Variants in PARP8 observed in about 807,000 individuals in gnomAD.
The protein encoded by PARP8 is poly(ADP-ribose) polymerase family member 8.
A neutral mutation model predicts 124.1 loss-of-function variants in PARP8; 51 were observed. The observed-to-expected ratio is 0.41, with a 90% CI of 0.33 to 0.52. The LOEUF (loss-of-function observed/expected upper bound fraction) is 0.52, where lower values mean the gene tolerates loss of function less well. Among genes scored for constraint, PARP8 ranks in the 20% least tolerant of loss-of-function variants. The pLI is 0.21. For synonymous variants in PARP8, 391 were observed against 361.5 expected (o/e 1.08, Z -0.93); for missense variants, 860 against 1,018.9 (o/e 0.84, Z 2.12).
At chr5:50,780,951 G>T (rs1422440645) in intron 9 of PARP8, among the ~76,000 whole-genome samples, 1 of 151,916 alleles carries the variant, frequency 6.6e-6, no homozygotes, top group Non-Finnish European at 1.5e-5. Context: ...TCTTCTCCTT[G>T]ATACTATTTT....
intron 14 of PARP8, among the ~76,000 whole-genome samples, chr5:50,805,764 G>T (rs1455039799): frequency 6.6e-6 from 1 of 151,942 alleles, no homozygotes; most frequent in Non-Finnish European, 1.5e-5. Context: ...TATTTTATTT[G>T]CTTAAGGGAA....
chr5:50,734,264 T>C (rs1223589936), intron 2 of PARP8, among the ~76,000 whole-genome samples: 1 of 152,158 alleles, frequency 6.6e-6, no homozygotes, highest in Non-Finnish European at 1.5e-5. Context: ...AGGATGAGCA[T>C]TGGGAAATCT....
intron 11 of PARP8, 94 bp downstream of exon 11, chr5:50,794,426 G>C (rs1742293850): frequency 7.1e-7 from 1 of 1,410,820 alleles, no homozygotes. Context: ...GTTGGCATCT[G>C]TTTATTTTCT....
At chr5:50,816,672 A>G (rs1189847234) in intron 15 of PARP8, among the ~76,000 whole-genome samples, 1 of 152,210 alleles carries the variant, frequency 6.6e-6, no homozygotes, top group African/African-American at 2.4e-5. Flanking sequence ...TGATTCCATG[A>G]TTAAAATAAA....
chr5:50,742,553 A>G (rs181442236), intron 2 of PARP8, among the ~76,000 whole-genome samples: 6 of 152,276 alleles, frequency 3.9e-5, no homozygotes, highest in African/African-American at 1.4e-4. Context: ...AATCTCTCTT[A>G]ATGTGGAAAG....
intron 14 of PARP8, among the ~76,000 whole-genome samples, chr5:50,800,900 G>T (rs1283727961): frequency 1.3e-5 from 2 of 151,514 alleles, no homozygotes; most frequent in Non-Finnish European, 2.9e-5. Context: ...GGGACTACAG[G>T]TACATGCCAC....
At chr5:50,772,265 A>T (rs1461411063) in intron 7 of PARP8, among the ~76,000 whole-genome samples, 1 of 152,174 alleles carries the variant, frequency 6.6e-6, no homozygotes, top group African/African-American at 2.4e-5. Flanking sequence ...ATGGACACTT[A>T]GGTTAATTCT....
In PARP8 at chr5:50,761,594, C is replaced by T. The variant is rs1259039962; in HGVS notation, c.346-227C>T. Among the ~76,000 whole-genome samples, 3 of 152,000 alleles carry T rather than the reference C, an allele frequency of 2.0e-5. No individual in the cohort carries two copies. The East Asian group carries it at 5.8e-4, about 29-fold the overall frequency. On this transcript the variant is annotated intron_variant, in intron 5 of 25. Coordinates refer to ENST00000281631, the MANE Select transcript of PARP8 (RefSeq NM_024615.4). ...ACATCAAATATTGAATTGTGCATTTCCTGTAAAATCAGTGAAAGAGAACTT... is the reference window on the plus strand; with the variant it reads ...ACATCAAATATTGAATTGTGCATTTTCTGTAAAATCAGTGAAAGAGAACTT...
chr5:50,818,416 G>C (rs915848140), intron 15 of PARP8, among the ~76,000 whole-genome samples: 2 of 152,070 alleles, frequency 1.3e-5, no homozygotes, highest in Non-Finnish European at 2.9e-5. Flanking sequence ...TTTTTGTGGA[G>C]ACAGGATTTG....
chr5:50,672,284 A>G (rs867397429), intron 2 of PARP8, among the ~76,000 whole-genome samples: 1 of 152,154 alleles, frequency 6.6e-6, no homozygotes. Context: ...CCTCTTGGAG[A>G]TGGGAATTCT....
At chr5:50,778,302 A>C (rs1190891262) in intron 8 of PARP8, among the ~76,000 whole-genome samples, 173 bp downstream of exon 8, 1 of 152,148 alleles carries the variant, frequency 6.6e-6, no homozygotes, top group East Asian at 1.9e-4. Context: ...GATTTTGTAA[A>C]CATATATTTG....
chr5:50,775,383 C>T lies in PARP8; in HGVS notation c.519-2686C>T, dbSNP rs1001472462. Among the ~76,000 whole-genome samples, 6 of 152,154 alleles carry T rather than the reference C, an allele frequency of 3.9e-5. 1 individual carries two copies. The highest frequency in any genetic ancestry group is 4.1e-4 in the South Asian group (2 of 4,830). The stretch of plus-strand genomic sequence containing the variant: ...CAGCCCGGCCAACACGGTGAAACCC[C>T]GTCTCCACCAAAAATACAAAAACCA... On this transcript the variant is annotated intron_variant, in intron 7 of 25. Transcript: ENST00000281631.
intron 2 of PARP8, among the ~76,000 whole-genome samples, chr5:50,715,198 G>A (rs1419691169): frequency 6.6e-6 from 1 of 151,952 alleles, no homozygotes; most frequent in African/African-American, 2.4e-5. Flanking sequence ...CATGACCGCA[G>A]TGCAAAAGCG....
chr5:50,838,685 C>T lies in PARP8; in HGVS notation c.2463-3281C>T, dbSNP rs1454964636. 2.0e-5 allele frequency among the ~76,000 whole-genome samples: 3 copies of T among 152,002 alleles called. No homozygotes were observed. The East Asian group carries it at 5.8e-4, about 29-fold the overall frequency. Reference sequence around the variant, plus strand: ...GGCTGATAGTTAAATAGAAGCATGGCATTCTCCAACATATAGAGTCGCTTC... The same window carrying T: ...GGCTGATAGTTAAATAGAAGCATGGTATTCTCCAACATATAGAGTCGCTTC... On this transcript the variant is annotated intron_variant, in intron 25 of 25. Coordinates refer to ENST00000281631, the MANE Select transcript of PARP8 (RefSeq NM_024615.4).
intron 2 of PARP8, among the ~76,000 whole-genome samples, chr5:50,735,391 A>G (rs1757374700): frequency 6.6e-6 from 1 of 152,180 alleles, no homozygotes; most frequent in African/African-American, 2.4e-5. Context: ...TTTACATTAT[A>G]TGGTACAATC....
intron 2 of PARP8, among the ~76,000 whole-genome samples, chr5:50,740,100 C>A (rs1362447908): frequency 6.6e-6 from 1 of 152,008 alleles, no homozygotes; most frequent in African/African-American, 2.4e-5. Context: ...TTATAATGTT[C>A]CCACTATGTG....
intron 2 of PARP8, among the ~76,000 whole-genome samples, chr5:50,675,714 A>G (rs1356328146): frequency 6.6e-5 from 10 of 152,242 alleles, no homozygotes; most frequent in Non-Finnish European, 1.3e-4. Context: ...GAGGCTGATT[A>G]ATATAATTAG....
intron 2 of PARP8, chr5:50,739,176 A>C: frequency 1.5e-6 from 1 of 647,554 alleles, no homozygotes; most frequent in Non-Finnish European, 2.9e-6. Context: ...AGGCTAGGTA[A>C]CTCCTTTCCT....
chr5:50,690,678 T>G (rs1358356976), intron 2 of PARP8, among the ~76,000 whole-genome samples: 1 of 152,186 alleles, frequency 6.6e-6, no homozygotes, highest in Non-Finnish European at 1.5e-5. Flanking sequence ...TCTATTCACC[T>G]AGTCCAATCC....
Sources: allele counts gnomAD v4.1 joint callset (sites outside exome capture counted in the v4.1 genomes callset), GRCh38; gene constraint gnomAD v4.1.1; transcripts MANE v1.5; gene names NCBI Gene and HGNC (gene_info 2026-07-23, HGNC 2026-07-21).